Variants in ARMC8 observed in about 807,000 individuals in gnomAD.
The protein encoded by ARMC8 is armadillo repeat containing 8.
Under a neutral mutation model 99.3 loss-of-function variants are expected in ARMC8, and 20 were observed. The ratio of observed to expected loss-of-function variants is 0.20; its 90% CI spans 0.14 to 0.29. The LOEUF is 0.29. Ranked by LOEUF, ARMC8 falls within the 10% of genes least tolerant of loss-of-function variation. ARMC8 has a pLI of 1.00. For synonymous variants in ARMC8, 263 were observed against 278.3 expected, an observed-to-expected ratio of 0.95 and a Z score of 0.55; for missense variants, 569 against 809.5, an observed-to-expected ratio of 0.70 and a Z score of 3.60.
chr3:138,261,470 T>C (rs1162831258), intron 12 of ARMC8: 1 of 152,168 alleles, frequency 6.6e-6, no homozygotes, highest in African/African-American at 2.4e-5. Flanking sequence ...CCATGTCATA[T>C]TTATTAGGCA....
At chr3:138,232,150 T>A (rs917465609) in intron 6 of ARMC8, among the ~76,000 whole-genome samples, 3 of 151,390 alleles carry the variant, frequency 2.0e-5, no homozygotes, top group Non-Finnish European at 4.4e-5. Context: ...TTCATATTTT[T>A]TTTTAAGTAG....
rs1037159957 is a variant in ARMC8 at position 138,237,223 on chromosome 3, T to G, written c.610-86T>G. 38 of 1,198,710 alleles carry G rather than the reference T, an allele frequency of 3.2e-5. 1 individual carries two copies. Among genetic ancestry groups the G allele is most frequent in the Admixed American group, 3.0e-4 (15 of 49,886 alleles). The allele number at this position is 1,198,710 out of a possible 1,614,324, so 74.3% of individuals were successfully genotyped here. ...AGTATTTTAAGCAGATTTACATAAT[T>G]TTTTAGAAGAGTTTAGATTCTGAGA... On this transcript the variant is annotated intron_variant, in intron 7 of 21. Transcript: ENST00000469044.
intron 21 of ARMC8, among the ~76,000 whole-genome samples, chr3:138,295,026 G>A (rs1321052847): frequency 6.6e-6 from 1 of 151,906 alleles, no homozygotes; most frequent in Admixed American, 6.6e-5. Flanking sequence ...AGCCTCCGAA[G>A]TGGTTGGGAT....
chr3:138,197,636 A>T (rs1331599408), intron 1 of ARMC8, among the ~76,000 whole-genome samples: 1 of 152,170 alleles, frequency 6.6e-6, no homozygotes, highest in Non-Finnish European at 1.5e-5. Context: ...AATCCAGAGG[A>T]TATCTCAGTC....
Position 138,284,534 on chromosome 3 carries a change from C to A in ARMC8, c.1821+8C>A. The A allele has an allele frequency of 6.3e-7, 1 of 1,586,230 alleles. No individual in the cohort carries two copies. The highest frequency in any genetic ancestry group is 8.7e-7 in the Non-Finnish European group (1 of 1,154,846). ...AAAATCAAGTATTACATGGTGAGCCCTTGTCCCCTTTCACCGTAGGATTAG... is the reference window on the plus strand; with the variant it reads ...AAAATCAAGTATTACATGGTGAGCCATTGTCCCCTTTCACCGTAGGATTAG... On this transcript the variant is annotated splice_region_variant and intron_variant, in intron 19 of 21. Transcript: ENST00000469044.
intron 11 of ARMC8, among the ~76,000 whole-genome samples, chr3:138,244,063 A>G (rs140696864): frequency 8.9e-4 from 136 of 152,282 alleles, no homozygotes; most frequent in African/African-American, 3.0e-3. Context: ...TTGGTGATCA[A>G]GTTTATAGAA....
At chr3:138,284,645 C>T (rs1010663701) in intron 19 of ARMC8, 119 bp downstream of exon 19, 6 of 724,308 alleles carry the variant, frequency 8.3e-6, no homozygotes, top group Middle Eastern at 2.8e-4. Context: ...TCTGTGACTC[C>T]TCAGATTCAA....
intron 21 of ARMC8, 76 bp from the exon 22 acceptor site, chr3:138,295,783 T>C (rs2051433706): frequency 6.5e-7 from 1 of 1,530,710 alleles, no homozygotes; most frequent in Non-Finnish European, 9.0e-7. Context: ...TCCCCAGCTA[T>C]CATCATTGAA....
rs1482228870 is a variant in ARMC8, at chr3:138,246,001, T to G, written c.1134+818T>G. On this transcript the variant is annotated intron_variant, in intron 12 of 21. Coordinates refer to ENST00000469044, the MANE Select transcript of ARMC8 (RefSeq NM_001363941.2). ...AAAGAGCAAATTAGTCATTATTTAC[T>G]GAACATGATGATTTACTAAATCTCT... The G allele has an allele frequency of 8.1e-6, 8 of 985,170 alleles. No homozygotes were observed. The South Asian group carries it at 3.3e-4, about 40-fold the overall frequency. 61.0% of individuals were successfully genotyped at this position (985,170 alleles called of 1,614,324 possible). A position where few individuals can be genotyped will look rare whatever the true frequency, so the allele number is the denominator to read the frequency against.
chr3:138,269,701 C>T (rs2048598611), intron 15 of ARMC8, among the ~76,000 whole-genome samples: 2 of 151,970 alleles, frequency 1.3e-5, no homozygotes, highest in South Asian at 4.2e-4. Flanking sequence ...GAGTGGGGAG[C>T]TAGGTAATGG....
At chr3:138,268,842 A>AT (rs1158284296) in intron 15 of ARMC8, among the ~76,000 whole-genome samples, 20 of 152,046 alleles carry the variant, frequency 1.3e-4, no homozygotes, top group East Asian at 3.9e-4. Context: ...CTATAAGAGC[A>AT]TTTTTTTTGT....
intron 12 of ARMC8, among the ~76,000 whole-genome samples, chr3:138,259,018 C>A (rs1457598530): frequency 6.6e-6 from 1 of 152,196 alleles, no homozygotes; most frequent in Non-Finnish European, 1.5e-5. Context: ...CCAACAAGAA[C>A]CATGAGGGAG....
At chr3:138,245,995 A>T in intron 12 of ARMC8, 1 of 985,350 alleles carries the variant, frequency 1.0e-6, no homozygotes, top group African/African-American at 1.7e-5. Flanking sequence ...ATTAGTCATT[A>T]TTTACTGAAC....
intron 2 of ARMC8, among the ~76,000 whole-genome samples, 165 bp downstream of exon 2, chr3:138,210,058 AAG>A (rs2044607280): frequency 6.6e-6 from 1 of 152,204 alleles, no homozygotes; most frequent in Non-Finnish European, 1.5e-5. Flanking sequence ...TTTTACCATA[AAG>A]AATTGTCTTT....
intron 13 of ARMC8, 39 bp downstream of exon 13, chr3:138,263,860 A>G (rs2047993530): frequency 9.5e-6 from 15 of 1,574,010 alleles, no homozygotes; most frequent in Non-Finnish European, 1.0e-5. Flanking sequence ...ACCTTTTGCC[A>G]TATATTTAAC....
intron 5 of ARMC8, among the ~76,000 whole-genome samples, chr3:138,224,328 C>A (rs1450691082): frequency 1.3e-5 from 2 of 152,126 alleles, no homozygotes; most frequent in African/African-American, 4.8e-5. Context: ...GCCTATAGTC[C>A]TAGCTCATGA....
At chr3:138,286,285 GCCT>G (rs2050404717) in intron 19 of ARMC8, among the ~76,000 whole-genome samples, 1 of 152,042 alleles carries the variant, frequency 6.6e-6, no homozygotes. Flanking sequence ...TGTACATACG[GCCT>G]CCTCCTCTGC....
chr3:138,227,582 C>G (rs918429575), intron 5 of ARMC8, among the ~76,000 whole-genome samples: 1 of 152,256 alleles, frequency 6.6e-6, no homozygotes, highest in Non-Finnish European at 1.5e-5. Flanking sequence ...TGTAGGGAAT[C>G]AGCAGCCTTC....
chr3:138,264,813 T>C (rs1354743049), intron 14 of ARMC8, among the ~76,000 whole-genome samples: 1 of 146,592 alleles, frequency 6.8e-6, no homozygotes, highest in Admixed American at 6.7e-5. Flanking sequence ...AGAATTATCC[T>C]TGTAATTTTT....
Sources: allele counts gnomAD v4.1 joint callset (sites outside exome capture counted in the v4.1 genomes callset), GRCh38; gene constraint gnomAD v4.1.1; transcripts MANE v1.5; gene names NCBI Gene and HGNC (gene_info 2026-07-23, HGNC 2026-07-21).